Variants in MERTK observed in about 807,000 individuals in gnomAD.
The protein encoded by MERTK is MER proto-oncogene, tyrosine kinase, also known as tyrosine-protein kinase Mer.
MERTK carries 69 observed loss-of-function variants against 99.3 expected under a neutral mutation model. The observed-to-expected ratio is 0.70, with a 90% CI of 0.57 to 0.85. The LOEUF (loss-of-function observed/expected upper bound fraction) is 0.85, where lower values mean the gene tolerates loss of function less well. Among genes scored for constraint, MERTK ranks in the 40% least tolerant of loss-of-function variants. The probability of loss-of-function intolerance (pLI) is 0.00; values close to 1 mark genes in which losing one functional copy is unlikely to be tolerated. For synonymous variants in MERTK, 426 were observed against 467.6 expected (o/e 0.91, Z 1.15); for missense variants, 1,125 against 1,249.4 (o/e 0.90, Z 1.50).
intron 1 of MERTK, among the ~76,000 whole-genome samples, chr2:111,927,082 GC>G (rs1166578133): frequency 1.3e-5 from 2 of 151,994 alleles, no homozygotes; most frequent in Non-Finnish European, 2.9e-5. Flanking sequence ...CACACAGAAG[GC>G]CCTACACTCC....
chr2:111,910,148 A>G (rs985835381), intron 1 of MERTK, among the ~76,000 whole-genome samples: 1 of 152,210 alleles, frequency 6.6e-6, no homozygotes, highest in African/African-American at 2.4e-5. Flanking sequence ...GCCTATGGTC[A>G]TAGCTGCTCA....
intron 15 of MERTK, among the ~76,000 whole-genome samples, chr2:112,018,051 G>A (rs928836262): frequency 6.6e-6 from 1 of 152,128 alleles, no homozygotes; most frequent in Non-Finnish European, 1.5e-5. Context: ...TGTAGCCCAA[G>A]CTATTAAAAC....
intron 2 of MERTK, among the ~76,000 whole-genome samples, chr2:111,944,531 T>TAA (rs1684925948): frequency 6.7e-6 from 1 of 148,710 alleles, no homozygotes; most frequent in Non-Finnish European, 1.5e-5. Context: ...TTTTAAGGAA[T>TAA]TAGCTCACAC....
At position 111,908,065 on chromosome 2, in the gene MERTK, C is replaced by T. The variant is rs141370051; in HGVS notation, c.61+9269C>T. On this transcript the variant is annotated intron_variant, in intron 1 of 18. Coordinates refer to ENST00000295408, the MANE Select transcript of MERTK (RefSeq NM_006343.3). ...TTGGGCAGTGGTGGGGAGCCTCTCT[C>T]TATTACCCCATCCCAGGAGGGGTAT... Among the ~76,000 whole-genome samples, 279 of 152,326 alleles carry T rather than the reference C, an allele frequency of 1.8e-3. 2 individuals carry two copies. Among genetic ancestry groups the T allele is most frequent in the African/African-American group, 6.1e-3 (255 of 41,582 alleles).
At chr2:111,925,088 C>T (rs1277766141) in intron 1 of MERTK, among the ~76,000 whole-genome samples, 1 of 151,550 alleles carries the variant, frequency 6.6e-6, no homozygotes. Context: ...CCTCCCCACC[C>T]CCAGTTAGCC....
intron 7 of MERTK, among the ~76,000 whole-genome samples, chr2:111,980,916 C>G (rs1330688854): frequency 1.3e-5 from 2 of 152,178 alleles, no homozygotes; most frequent in Non-Finnish European, 2.9e-5. Flanking sequence ...GTTGACTCCT[C>G]TTTGCCTTGT....
At chr2:111,967,004 C>T (rs1019196326) in intron 5 of MERTK, among the ~76,000 whole-genome samples, 11 of 152,196 alleles carry the variant, frequency 7.2e-5, no homozygotes, top group Non-Finnish European at 1.6e-4. Flanking sequence ...CTGGTACTAT[C>T]CCCATTTATA....
At chr2:111,955,889 G>A (rs1270838004) in intron 4 of MERTK, among the ~76,000 whole-genome samples, 1 of 150,992 alleles carries the variant, frequency 6.6e-6, no homozygotes, top group African/African-American at 2.4e-5. Context: ...GGGTAAGCAT[G>A]TTCTCACTCA....
At chr2:111,964,773 G>A (rs1417246955) in intron 4 of MERTK, among the ~76,000 whole-genome samples, 9 of 152,112 alleles carry the variant, frequency 5.9e-5, no homozygotes. Context: ...TTTAAACTGT[G>A]GCTTTTATTT....
At position 112,007,495 on chromosome 2, in the gene MERTK, C is replaced by T. The variant is rs770683154; in HGVS notation, c.1868-888C>T. On this transcript the variant is annotated intron_variant, in intron 13 of 18. Transcript: ENST00000295408. ...TGCAAAACTGAACCTCTACACCTAC[C>T]GAACAATGACTCCCCACTACCCTTT... is the stretch of plus-strand genomic sequence containing the variant. 8.5e-5 allele frequency among the ~76,000 whole-genome samples: 13 copies of T among 152,224 alleles called. No homozygotes were observed. The South Asian group carries it at 1.5e-3, about 17-fold the overall frequency.
intron 4 of MERTK, among the ~76,000 whole-genome samples, chr2:111,962,498 C>T (rs968326428): frequency 1.3e-5 from 2 of 151,762 alleles, no homozygotes; most frequent in African/African-American, 4.9e-5. Context: ...TGAGTCTCGA[C>T]CTCAAGAAAA....
intron 1 of MERTK, among the ~76,000 whole-genome samples, chr2:111,926,596 G>A (rs57640566): frequency 0.29 from 44,327 of 150,920 alleles, 6,882 homozygotes; most frequent in African/African-American, 0.37. Context: ...GCATGGTGGC[G>A]CGCACCTGTA....
chr2:111,908,608 A>G (rs1019647478), intron 1 of MERTK, among the ~76,000 whole-genome samples: 1 of 152,192 alleles, frequency 6.6e-6, no homozygotes, highest in African/African-American at 2.4e-5. Context: ...TGTCAGTTAC[A>G]TTTGATTGCA....
intron 18 of MERTK, among the ~76,000 whole-genome samples, chr2:112,027,083 T>G (rs780026890): frequency 6.6e-6 from 1 of 151,920 alleles, no homozygotes; most frequent in Non-Finnish European, 1.5e-5. Flanking sequence ...AGCCCAGGAG[T>G]TCAGGGGTTC....
chr2:112,028,229 T>G (rs1259953058), intron 18 of MERTK, 122 bp from the exon 19 acceptor site: 1 of 1,123,152 alleles, frequency 8.9e-7, no homozygotes, highest in African/African-American at 1.6e-5. Flanking sequence ...TCAATAATTT[T>G]TATAAAAAGT....
chr2:111,982,857 C>A lies in MERTK; in HGVS notation c.1160C>A (p.Pro387His). 2 of 1,614,016 alleles carry A rather than the reference C, an allele frequency of 1.2e-6. No homozygotes were observed. The highest frequency in any genetic ancestry group is 2.2e-5 in the South Asian group (2 of 91,076). The change falls in exon 8 of 19, where the codon CCT (proline) becomes CAT (histidine). Residue 387 changes from proline to histidine, a missense_variant. Pro to His is a moderately conservative substitution (Grantham distance 77). Transcript: ENST00000295408. Reference protein sequence around the residue: ...STTEGAPSVAPLNVTVFLNES... With the variant: ...STTEGAPSVAHLNVTVFLNES... Reference sequence around the variant, plus strand: ...TCTTTTGTAGCCCCATCAGTAGCACCTTTAAATGTCACTGTGTTTCTGAAT... The same window carrying A: ...TCTTTTGTAGCCCCATCAGTAGCACATTTAAATGTCACTGTGTTTCTGAAT...
chr2:112,021,069 G>A lies in MERTK; in HGVS notation c.2190-353G>A, dbSNP rs113132351. On this transcript the variant is annotated intron_variant, in intron 16 of 18. Coordinates refer to ENST00000295408, the MANE Select transcript of MERTK (RefSeq NM_006343.3). Reference sequence around the variant, plus strand: ...AAAAAAATTAGCCGGCTGTGGTAGTGTGTACCTGTAATCCCAGCTACTCGG... The same window carrying A: ...AAAAAAATTAGCCGGCTGTGGTAGTATGTACCTGTAATCCCAGCTACTCGG... Among the ~76,000 whole-genome samples the A allele has an allele frequency of 1.7e-3, 256 of 151,638 alleles. 1 individual carries two copies. The highest frequency in any genetic ancestry group is 5.9e-3 in the African/African-American group (243 of 41,298).
At chr2:111,964,691 A>G (rs1685328085) in intron 4 of MERTK, among the ~76,000 whole-genome samples, 2 of 152,230 alleles carry the variant, frequency 1.3e-5, no homozygotes, top group Admixed American at 6.5e-5. Flanking sequence ...TTGCATTTAT[A>G]TGATGCATCC....
At chr2:111,950,595 G>A (rs2104707373) in intron 4 of MERTK, among the ~76,000 whole-genome samples, 1 of 152,286 alleles carries the variant, frequency 6.6e-6, no homozygotes, top group East Asian at 1.9e-4. Context: ...TAGACATTTA[G>A]TGGATTTGAA....
Sources: gnomAD v4.1 joint callset for allele counts (sites outside exome capture counted in the v4.1 genomes callset) on GRCh38, gnomAD v4.1.1 for gene constraint, MANE v1.5 for transcripts, NCBI Gene and HGNC (gene_info 2026-07-23, HGNC 2026-07-21) for gene names.